The following VPS13D variants were observed in gnomAD, a reference collection of about 807,000 sequenced individuals.
VPS13D encodes vacuolar protein sorting 13 homolog D.
VPS13D carries 187 observed loss-of-function variants against 461.9 expected under a neutral mutation model. That is an observed-to-expected ratio of 0.40 (90% CI 0.36 to 0.46). The LOEUF (loss-of-function observed/expected upper bound fraction) is 0.46, where lower values mean the gene tolerates loss of function less well. Among genes scored for constraint, VPS13D ranks in the 20% least tolerant of loss-of-function variants. The pLI, the probability that VPS13D is intolerant of heterozygous loss-of-function variation, is 0.60. For synonymous variants in VPS13D, 1,951 were observed against 1,986.3 expected (o/e 0.98, Z 0.47); for missense variants, 4,711 against 5,364.9 (o/e 0.88, Z 3.81).
At chr1:12,273,186 C>A in intron 18 of VPS13D, 51 bp downstream of exon 18, 1 of 1,598,714 alleles carries the variant, frequency 6.3e-7, no homozygotes, top group Non-Finnish European at 8.5e-7. Flanking sequence ...GATGGATGAT[C>A]TATCTATGAT....
At chr1:12,244,147 G>T in intron 3 of VPS13D, 99 bp from the exon 4 acceptor site, 1 of 1,244,740 alleles carries the variant, frequency 8.0e-7, no homozygotes, top group Non-Finnish European at 1.1e-6. Flanking sequence ...AGTAGTAACA[G>T]CAATCCATGC....
rs1641081255 is a variant in VPS13D at position 12,260,734 on chromosome 1, A to G, written c.1152A>G (p.Glu384=). The change falls in exon 11 of 70, where the codon GAA becomes GAG. Residue 384 remains glutamate (E), a synonymous_variant. Coordinates refer to ENST00000620676, the MANE Select transcript of VPS13D (RefSeq NM_015378.4). ...CRIEEEQSFE[E]LKILRELVHD... is the part of the protein sequence containing the mutation. ...TTGAAGAGGAACAGAGCTTTGAGGA[A>G]TTGAAGATTTTGCGTGAACTGGTTC... is the stretch of plus-strand genomic sequence containing the variant. 6 of 1,614,178 alleles carry G rather than the reference A, an allele frequency of 3.7e-6. No individual in the cohort carries two copies. The highest frequency in any genetic ancestry group is 5.1e-6 in the Non-Finnish European group (6 of 1,180,012).
chr1:12,282,628 A>G (rs916866637), intron 20 of VPS13D, 77 bp from the exon 21 acceptor site: 1 of 1,350,622 alleles, frequency 7.4e-7, no homozygotes, highest in Non-Finnish European at 1.0e-6. Context: ...TCATGTGGCA[A>G]CTGTAGACAT....
At chr1:12,328,793 C>A (rs1014664652) in intron 36 of VPS13D, among the ~76,000 whole-genome samples, 1 of 152,174 alleles carries the variant, frequency 6.6e-6, no homozygotes, top group South Asian at 2.1e-4. Flanking sequence ...CCCGCCTCAG[C>A]CTCCCAAAGT....
intron 21 of VPS13D, among the ~76,000 whole-genome samples, chr1:12,285,464 A>C (rs182789510): frequency 1.3e-3 from 204 of 151,596 alleles, no homozygotes; most frequent in African/African-American, 4.6e-3. Flanking sequence ...CTAATTTTGT[A>C]GTTTTAGTAG....
At chr1:12,463,221 TC>T (rs1166662240) in intron 67 of VPS13D, among the ~76,000 whole-genome samples, 3 of 152,202 alleles carry the variant, frequency 2.0e-5, no homozygotes, top group Non-Finnish European at 2.9e-5. Context: ...AGCTTCCACA[TC>T]CCTTCTCTAT....
chr1:12,339,396 A>G (rs1369563660), intron 40 of VPS13D, among the ~76,000 whole-genome samples: 1 of 152,228 alleles, frequency 6.6e-6, no homozygotes, highest in Non-Finnish European at 1.5e-5. Flanking sequence ...AGCTGCTTAC[A>G]TAGCATGACA....
At chr1:12,381,244 C>T (rs1013347572) in intron 57 of VPS13D, among the ~76,000 whole-genome samples, 1 of 152,278 alleles carries the variant, frequency 6.6e-6, no homozygotes, top group East Asian at 1.9e-4. Context: ...TGTATATGCT[C>T]TTTCTTTCTA....
At chr1:12,239,623 A>G (rs979718109) in intron 2 of VPS13D, among the ~76,000 whole-genome samples, 24 of 152,292 alleles carry the variant, frequency 1.6e-4, no homozygotes, top group African/African-American at 5.8e-4. Flanking sequence ...GGCCTATCGT[A>G]TATTTGTAAC....
chr1:12,356,758 G>A (rs1036966333), intron 49 of VPS13D, among the ~76,000 whole-genome samples: 3 of 152,166 alleles, frequency 2.0e-5, no homozygotes, highest in Admixed American at 2.0e-4. Flanking sequence ...TATTTTACAT[G>A]CATTGAAGTA....
At chr1:12,461,191 A>G (rs1253555782) in intron 67 of VPS13D, among the ~76,000 whole-genome samples, 1 of 152,218 alleles carries the variant, frequency 6.6e-6, no homozygotes, top group Non-Finnish European at 1.5e-5. Context: ...TAAGCCCAGA[A>G]GGATTTTGCT....
rs150805028 is a variant in VPS13D at position 12,383,058 on chromosome 1, T to C, written c.11273T>C (p.Val3758Ala). The change falls in exon 58 of 70, where the codon GTT becomes GCT. Residue 3758 changes from valine (V) to alanine (A), a missense_variant. Physicochemically the swap from Val to Ala is moderately conservative, Grantham distance 64. Around this residue, in one of 3 missense-constraint regions of VPS13D, gnomAD observed 4,411 missense variants for 4,937.8 expected, o/e 0.89. Transcript: ENST00000620676. ...PDTSMELLGP[V>A]PPEQQFINQK... The stretch of plus-strand genomic sequence containing the variant: ...ACTTCCATGGAGCTTTTGGGGCCAG[T>C]TCCACCTGAACAACAATTTATTAAT... The C allele has an allele frequency of 1.9e-6, 3 of 1,614,064 alleles. No homozygotes were observed. Among genetic ancestry groups the C allele is most frequent in the Non-Finnish European group, 2.5e-6 (3 of 1,180,038 alleles).
In VPS13D at chr1:12,271,116, G is replaced by T. The variant is rs767395379; in HGVS notation, c.2095G>T (p.Asp699Tyr). The T allele has an allele frequency of 2.5e-6, 4 of 1,613,988 alleles. No homozygotes were observed. Among genetic ancestry groups the T allele is most frequent in the Non-Finnish European group, 2.5e-6 (3 of 1,179,956 alleles). The change falls in exon 17 of 70, where the codon GAT (aspartate) becomes TAT (tyrosine). Residue 699 changes from aspartate (D) to tyrosine (Y), a missense_variant. Transcript: ENST00000620676. ...AACTCTTGATCGTTTGCTAGTGGGT[G>T]ATTTCATTGTAAGTGGGCATCCATA... ...RQTLDRLLVG[D>Y]FIEESKRWTV...
chr1:12,400,217 A>C lies in VPS13D; in HGVS notation c.11671A>C (p.Met3891Leu). ...GCTCATTGGTACCACGCAGCCCTTC[A>C]TGCTCTATGTGACTCCCCTGAGCAA... is the stretch of plus-strand genomic sequence containing the variant. ...NQLIGTTQPF[M>L]LYVTPLSNEN... The change falls in exon 61 of 70, where the codon ATG becomes CTG. Residue 3891 changes from methionine (M) to leucine (L), a missense_variant. Transcript: ENST00000620676. 6.2e-7 allele frequency: 1 copy of C among 1,614,096 alleles called. No individual in the cohort carries two copies.
At chr1:12,430,637 A>C (rs576360102) in intron 65 of VPS13D, among the ~76,000 whole-genome samples, 1 of 152,264 alleles carries the variant, frequency 6.6e-6, no homozygotes. Context: ...CTTCACAAAC[A>C]CTGAGCCCAC....
intron 64 of VPS13D, among the ~76,000 whole-genome samples, chr1:12,416,005 A>AC (rs944801743): frequency 4.6e-5 from 7 of 151,870 alleles, no homozygotes; most frequent in African/African-American, 9.7e-5. Flanking sequence ...ACATATTGAG[A>AC]CCCCATCTCT....
chr1:12,299,362 G>A lies in VPS13D; in HGVS notation c.6194G>A (p.Gly2065Asp). 2 of 1,612,470 alleles carry A rather than the reference G, an allele frequency of 1.2e-6. No homozygotes were observed. The highest frequency in any genetic ancestry group is 8.5e-7 in the Non-Finnish European group (1 of 1,179,504). Residue 2065 changes from glycine (G) to aspartate (D), a missense_variant, in exon 25 of 70, where the codon GGC becomes GAC. Around this residue, in one of 3 missense-constraint regions of VPS13D, gnomAD observed 4,411 missense variants for 4,937.8 expected, o/e 0.89. Coordinates refer to ENST00000620676, the MANE Select transcript of VPS13D (RefSeq NM_015378.4). The surrounding 1 kb of genome is among the most constrained non-coding windows in gnomAD (Gnocchi z 4.2). ...KNKFLFAGFP[G>D]TFSLQDKESV... ...AAGTTTCTGTTTGCTGGTTTTCCTG[G>A]CACCTTTTCCCTACAAGATAAGGTG...
At chr1:12,268,366 C>A (rs556703810) in intron 15 of VPS13D, among the ~76,000 whole-genome samples, 1 of 149,478 alleles carries the variant, frequency 6.7e-6, no homozygotes, top group Non-Finnish European at 1.5e-5. Context: ...CTGTTTTGTG[C>A]GCAGTGGTTT....
intron 16 of VPS13D, 136 bp from the exon 17 acceptor site, chr1:12,270,858 G>T: frequency 1.7e-6 from 2 of 1,175,698 alleles, no homozygotes; most frequent in Non-Finnish European, 2.4e-6. Context: ...GGGATTACGA[G>T]TGTGAGCCAC....
Sources: allele counts gnomAD v4.1 joint callset (sites outside exome capture counted in the v4.1 genomes callset), GRCh38; gene constraint gnomAD v4.1.1; regional missense constraint gnomAD v4.1.1; non-coding constraint Gnocchi (gnomAD v3.1); transcripts MANE v1.5; gene names NCBI Gene and HGNC (gene_info 2026-07-23, HGNC 2026-07-21).